The following UNC5C variants were observed in gnomAD, a reference collection of about 807,000 sequenced individuals.
The protein encoded by UNC5C is netrin receptor UNC5C.
A neutral mutation model predicts 99.8 loss-of-function variants in UNC5C; 47 were observed. That is an observed-to-expected ratio of 0.47 (90% CI 0.37 to 0.60). The LOEUF is 0.60. Ranked by LOEUF, UNC5C falls within the 20% of genes least tolerant of loss-of-function variation. The probability of loss-of-function intolerance (pLI) is 0.00; values close to 1 mark genes in which losing one functional copy is unlikely to be tolerated. For synonymous variants in UNC5C, 487 were observed against 452.2 expected (o/e 1.08, Z -0.98); for missense variants, 1,062 against 1,165.9 (o/e 0.91, Z 1.30).
intron 1 of UNC5C, among the ~76,000 whole-genome samples, chr4:95,535,003 G>C (rs963706838): frequency 6.6e-6 from 1 of 152,058 alleles, no homozygotes; most frequent in African/African-American, 2.4e-5. Flanking sequence ...TATTCTTCCT[G>C]CTTTCTAATT....
At chr4:95,524,715 C>T (rs1044241670) in intron 1 of UNC5C, among the ~76,000 whole-genome samples, 3 of 152,128 alleles carry the variant, frequency 2.0e-5, no homozygotes, top group Non-Finnish European at 2.9e-5. Flanking sequence ...CTGGAGCTTG[C>T]GACTGCCTGG....
At chr4:95,225,341 G>C (rs1738645355) in intron 7 of UNC5C, among the ~76,000 whole-genome samples, 1 of 152,148 alleles carries the variant, frequency 6.6e-6, no homozygotes, top group Admixed American at 6.5e-5. Flanking sequence ...ACAGGCCCGA[G>C]TCACTGCACC....
intron 1 of UNC5C, among the ~76,000 whole-genome samples, chr4:95,374,846 T>C (rs1325637332): frequency 6.6e-6 from 1 of 152,130 alleles, no homozygotes; most frequent in African/African-American, 2.4e-5. Flanking sequence ...ATATGTCATA[T>C]AAAGTAAATA....
intron 3 of UNC5C, among the ~76,000 whole-genome samples, chr4:95,288,729 C>T (rs978858536): frequency 6.6e-6 from 1 of 152,136 alleles, no homozygotes; most frequent in Non-Finnish European, 1.5e-5. Flanking sequence ...TGGCTACATC[C>T]CTCTAATCTC....
Position 95,169,031 on chromosome 4 carries a change from T to C in UNC5C, c.*203A>G, listed in dbSNP as rs186445579. ...AAATTCAAGGTACAAATTTACACAA[T>C]TTTTCTTAACTCCCGTGATGATGTC... On this transcript the variant is annotated 3_prime_UTR_variant, in exon 16 of 16. Transcript: ENST00000453304. The C allele has an allele frequency of 7.2e-4, 425 of 593,512 alleles. 1 individual carries two copies. Among genetic ancestry groups the C allele is most frequent in the Middle Eastern group, 2.3e-3 (5 of 2,138 alleles). 36.8% of individuals were successfully genotyped at this position (593,512 alleles called of 1,614,324 possible).
At chr4:95,308,232 T>C (rs541784173) in intron 2 of UNC5C, among the ~76,000 whole-genome samples, 1 of 152,126 alleles carries the variant, frequency 6.6e-6, no homozygotes, top group South Asian at 2.1e-4. Flanking sequence ...ACGGTTAAAA[T>C]TAATAAATGA....
chr4:95,229,706 G>A (rs1429748073), intron 7 of UNC5C, among the ~76,000 whole-genome samples: 1 of 148,226 alleles, frequency 6.7e-6, no homozygotes. Flanking sequence ...TCACCACACT[G>A]TCTTCCACAA....
At chr4:95,513,002 A>G (rs1428232291) in intron 1 of UNC5C, among the ~76,000 whole-genome samples, 1 of 152,176 alleles carries the variant, frequency 6.6e-6, no homozygotes, top group Non-Finnish European at 1.5e-5. Context: ...GATGTCCTTC[A>G]ACAACAACAA....
chr4:95,390,272 C>T (rs1390601868), intron 1 of UNC5C, among the ~76,000 whole-genome samples: 1 of 151,938 alleles, frequency 6.6e-6, no homozygotes, highest in East Asian at 1.9e-4. Flanking sequence ...AGCTAGACAA[C>T]TTTTGCAAGG....
chr4:95,391,461 T>C (rs1285908952), intron 1 of UNC5C, among the ~76,000 whole-genome samples: 4 of 152,204 alleles, frequency 2.6e-5, no homozygotes, highest in Admixed American at 2.6e-4. Context: ...TGTCATTTTC[T>C]GACAATCACA....
intron 1 of UNC5C, among the ~76,000 whole-genome samples, chr4:95,485,769 A>G (rs1560852310): frequency 6.6e-6 from 1 of 151,744 alleles, no homozygotes; most frequent in South Asian, 2.1e-4. Context: ...CATTAGATCC[A>G]GCTATAGTTT....
At chr4:95,360,538 T>C (rs1338709769) in intron 1 of UNC5C, among the ~76,000 whole-genome samples, 3 of 152,208 alleles carry the variant, frequency 2.0e-5, no homozygotes, top group Admixed American at 2.0e-4. Context: ...AGTAGTGCAA[T>C]ACAACTGTAA....
chr4:95,193,040 C>G (rs1737220521), intron 12 of UNC5C, among the ~76,000 whole-genome samples: 1 of 152,216 alleles, frequency 6.6e-6, no homozygotes, highest in East Asian at 1.9e-4. Flanking sequence ...TGAAATCTCT[C>G]TTGAAGGGAA....
At chr4:95,515,577 C>G (rs1722190738) in intron 1 of UNC5C, among the ~76,000 whole-genome samples, 1 of 152,058 alleles carries the variant, frequency 6.6e-6, no homozygotes, top group Admixed American at 6.6e-5. Flanking sequence ...AAAATTTTCC[C>G]TTATGTTAGA....
At chr4:95,469,420 C>A (rs977429049) in intron 1 of UNC5C, among the ~76,000 whole-genome samples, 3 of 152,062 alleles carry the variant, frequency 2.0e-5, no homozygotes, top group African/African-American at 4.8e-5. Context: ...ATTTTTTTCT[C>A]AAATCATATG....
chr4:95,170,454 C>G, intron 14 of UNC5C, 122 bp from the exon 15 acceptor site: 1 of 1,205,432 alleles, frequency 8.3e-7, no homozygotes, highest in East Asian at 2.4e-5. Context: ...TGTTATTCTT[C>G]TTAGGAAGAA....
intron 9 of UNC5C, 24 bp downstream of exon 9, chr4:95,218,945 G>T (rs1292397974): frequency 1.3e-6 from 2 of 1,547,516 alleles, no homozygotes; most frequent in East Asian, 2.3e-5. Context: ...CTGCCTCTTT[G>T]CAATTTAAAC....
intron 1 of UNC5C, among the ~76,000 whole-genome samples, chr4:95,513,318 G>A (rs1304590946): frequency 4.6e-5 from 7 of 152,184 alleles, no homozygotes; most frequent in Non-Finnish European, 8.8e-5. Flanking sequence ...AATGCCAGGC[G>A]CACACCAGCC....
rs1162020539 is a variant in UNC5C at position 95,391,852 on chromosome 4, G to A, written c.125-56221C>T. Among the ~76,000 whole-genome samples the A allele has an allele frequency of 2.0e-5, 3 of 151,978 alleles. No individual in the cohort carries two copies. In the East Asian group the frequency reaches 5.8e-4, roughly 29 times the overall value. ...AGCACTTTGGGAGGCTGAGAGAGGT[G>A]GATCACTTGAGACCATGAGTTTGAG... On this transcript the variant is annotated intron_variant, in intron 1 of 15. Coordinates refer to ENST00000453304, the MANE Select transcript of UNC5C (RefSeq NM_003728.4).
Sources: allele counts gnomAD v4.1 joint callset (sites outside exome capture counted in the v4.1 genomes callset), GRCh38; gene constraint gnomAD v4.1.1; transcripts MANE v1.5; gene names NCBI Gene and HGNC (gene_info 2026-07-23, HGNC 2026-07-21).